The following TBC1D9 variants were observed in gnomAD, a reference collection of about 807,000 sequenced individuals.
TBC1D9 encodes the protein TBC1 domain family member 9.
Under a neutral mutation model 132.0 loss-of-function variants are expected in TBC1D9, and 63 were observed. The ratio of observed to expected loss-of-function variants is 0.48; its 90% CI spans 0.39 to 0.59. The LOEUF (loss-of-function observed/expected upper bound fraction) is 0.59, where lower values mean the gene tolerates loss of function less well. Among genes scored for constraint, TBC1D9 ranks in the 20% least tolerant of loss-of-function variants. The probability of loss-of-function intolerance (pLI) is 0.00; values close to 1 mark genes in which losing one functional copy is unlikely to be tolerated. For synonymous variants in TBC1D9, 610 were observed against 609.9 expected, an observed-to-expected ratio of 1.00 and a Z score of 0.00; for missense variants, 1,261 against 1,592.7, an observed-to-expected ratio of 0.79 and a Z score of 3.54.
intron 2 of TBC1D9, among the ~76,000 whole-genome samples, chr4:140,688,814 A>G (rs945033952): frequency 6.6e-6 from 1 of 152,234 alleles, no homozygotes; most frequent in African/African-American, 2.4e-5. Context: ...TATTTGAAAT[A>G]TTTAGGGAAT....
At chr4:140,641,859 C>T (rs1265620219) in intron 13 of TBC1D9, 3 of 343,658 alleles carry the variant, frequency 8.7e-6, no homozygotes, top group South Asian at 6.1e-5. Flanking sequence ...TCCTCACCCC[C>T]CATCTCTCCC....
chr4:140,707,527 T>C (rs1348737016), intron 1 of TBC1D9, among the ~76,000 whole-genome samples: 1 of 152,206 alleles, frequency 6.6e-6, no homozygotes, highest in Non-Finnish European at 1.5e-5. Flanking sequence ...TAGGTTTCTG[T>C]AGGCCACCTG....
chr4:140,679,553 G>C (rs1737674457), intron 4 of TBC1D9, 62 bp downstream of exon 4: 2 of 1,172,810 alleles, frequency 1.7e-6, no homozygotes, highest in South Asian at 2.8e-5. Flanking sequence ...TGTGGTTTAT[G>C]AGTTCAGGGC....
At chr4:140,709,016 C>A (rs1738188665) in intron 1 of TBC1D9, among the ~76,000 whole-genome samples, 1 of 152,088 alleles carries the variant, frequency 6.6e-6, no homozygotes, top group Non-Finnish European at 1.5e-5. Flanking sequence ...TCATAAGTAT[C>A]ATACATTCTT....
intron 11 of TBC1D9, among the ~76,000 whole-genome samples, chr4:140,658,520 T>C (rs1737305655): frequency 6.6e-6 from 1 of 152,140 alleles, no homozygotes; most frequent in South Asian, 2.1e-4. Context: ...GCAGCTTAGC[T>C]GGCAAACTCT....
At chr4:140,624,527 C>A in intron 18 of TBC1D9, 139 bp from the exon 19 acceptor site, 1 of 678,530 alleles carries the variant, frequency 1.5e-6, no homozygotes, top group South Asian at 2.0e-5. Flanking sequence ...AAAAACTCCT[C>A]AAAACAAAAC....
intron 11 of TBC1D9, among the ~76,000 whole-genome samples, chr4:140,658,559 C>T (rs1737306516): frequency 6.6e-6 from 1 of 152,032 alleles, no homozygotes; most frequent in Non-Finnish European, 1.5e-5. Context: ...ATAATAATCC[C>T]AGCACTTTGG....
chr4:140,668,207 A>C (rs1737477250), intron 9 of TBC1D9, among the ~76,000 whole-genome samples: 1 of 152,156 alleles, frequency 6.6e-6, no homozygotes, highest in South Asian at 2.1e-4. Context: ...GCTTAGCCTG[A>C]AGGATCTCTG....
At chr4:140,678,889 G>A (rs1737664016) in intron 5 of TBC1D9, 53 bp downstream of exon 5, 2 of 1,575,934 alleles carry the variant, frequency 1.3e-6, no homozygotes, top group Non-Finnish European at 1.7e-6. Context: ...ATAAATGAAT[G>A]AGTGAGTTTC....
intron 1 of TBC1D9, among the ~76,000 whole-genome samples, chr4:140,729,746 G>A (rs887891802): frequency 6.2e-5 from 9 of 145,932 alleles, no homozygotes; most frequent in South Asian, 2.2e-4. Context: ...CTTGAATCCC[G>A]GAGGCAGAGG....
chr4:140,754,373 G>A (rs1377550044), intron 1 of TBC1D9, among the ~76,000 whole-genome samples: 1 of 152,052 alleles, frequency 6.6e-6, no homozygotes, highest in Non-Finnish European at 1.5e-5. Context: ...CAGCACTTCG[G>A]GAGGCCAAAG....
chr4:140,642,485 T>A, intron 13 of TBC1D9: 1 of 1,061,698 alleles, frequency 9.4e-7, no homozygotes, highest in Non-Finnish European at 1.4e-6. Context: ...GTTTTTGATT[T>A]CCCCCCAGCA....
chr4:140,622,726 G>A lies in TBC1D9; in HGVS notation c.3270C>T (p.Gly1090=), dbSNP rs749778088. 5.0e-6 allele frequency: 8 copies of A among 1,609,558 alleles called. No homozygotes were observed. In the East Asian group the frequency reaches 1.6e-4, roughly 31 times the overall value. Residue 1090 remains glycine (G), a synonymous_variant, in exon 21 of 21, where the codon GGC becomes GGT. Coordinates refer to ENST00000442267, the MANE Select transcript of TBC1D9 (RefSeq NM_015130.3). ...TCTTGGGGAAGAGCACGCCTGGGAT[G>A]CCCTGGTGGCAGGACGGCCCACTGC... is the stretch of plus-strand genomic sequence containing the variant. ...SGGSGPSCHQ[G]IPGVLFPKKG... is the part of the protein sequence containing the mutation.
intron 1 of TBC1D9, among the ~76,000 whole-genome samples, chr4:140,718,528 T>C (rs1186991771): frequency 2.0e-5 from 3 of 152,120 alleles, no homozygotes; most frequent in African/African-American, 7.2e-5. Context: ...GTCCAATGAA[T>C]AAGCAACAAC....
chr4:140,739,179 C>T (rs747996748), intron 1 of TBC1D9, among the ~76,000 whole-genome samples: 2 of 151,958 alleles, frequency 1.3e-5, no homozygotes, highest in South Asian at 2.1e-4. Context: ...TTAATAGAGA[C>T]GGAGTATCTC....
intron 11 of TBC1D9, among the ~76,000 whole-genome samples, chr4:140,658,735 T>C (rs1737310742): frequency 6.6e-6 from 1 of 151,302 alleles, no homozygotes; most frequent in Non-Finnish European, 1.5e-5. Flanking sequence ...CACTTGAACC[T>C]GGGAGGCGGA....
chr4:140,643,258 C>T lies in TBC1D9; in HGVS notation c.2338-3830G>A, dbSNP rs993692681. 1.3e-5 allele frequency: 17 copies of T among 1,302,460 alleles called. No homozygotes were observed. The Middle Eastern group carries it at 1.3e-3, about 99-fold the overall frequency. The allele number at this position is 1,302,460 out of a possible 1,614,324, so 80.7% of individuals were successfully genotyped here. A position where few individuals can be genotyped will look rare whatever the true frequency, so the allele number is the denominator to read the frequency against. Reference sequence around the variant, plus strand: ...CTCCTCCTCTCCAGCTCCAGCTCTGCGATCTCGCTCAGCAGGGTGATGCCG... The same window carrying T: ...CTCCTCCTCTCCAGCTCCAGCTCTGTGATCTCGCTCAGCAGGGTGATGCCG... On this transcript the variant is annotated intron_variant, in intron 13 of 20. Transcript: ENST00000442267.
At chr4:140,628,407 G>A (rs367946595) in intron 16 of TBC1D9, 42 bp from the exon 17 acceptor site, 1 of 1,523,450 alleles carries the variant, frequency 6.6e-7, no homozygotes, top group Non-Finnish European at 9.1e-7. Context: ...CATCACATGT[G>A]CTAATAAACT....
At chr4:140,699,912 T>C (rs1201861607) in intron 2 of TBC1D9, among the ~76,000 whole-genome samples, 1 of 151,906 alleles carries the variant, frequency 6.6e-6, no homozygotes, top group African/African-American at 2.4e-5. Flanking sequence ...GTAAATCAAG[T>C]AGAGGCAAAA....
Sources: gnomAD v4.1 joint callset for allele counts (sites outside exome capture counted in the v4.1 genomes callset) on GRCh38, gnomAD v4.1.1 for gene constraint, MANE v1.5 for transcripts, NCBI Gene and HGNC (gene_info 2026-07-23, HGNC 2026-07-21) for gene names.